Variants in KCNC4 observed in about 807,000 individuals in gnomAD.
The protein encoded by KCNC4 is potassium voltage-gated channel subfamily C member 4.
Under a neutral mutation model 42.8 loss-of-function variants are expected in KCNC4, and 23 were observed. That is an observed-to-expected ratio of 0.54 (90% CI 0.39 to 0.76). The LOEUF is 0.76. Among genes scored for constraint, KCNC4 ranks in the 30% least tolerant of loss-of-function variants. KCNC4 has a pLI of 0.00. For synonymous variants in KCNC4, 422 were observed against 393.5 expected (o/e 1.07, Z -0.86); for missense variants, 751 against 898.2 (o/e 0.84, Z 2.10).
At chr1:110,239,139 C>T (rs922736564) in exon 4 of KCNC4, 1 of 152,288 alleles carries the variant, frequency 6.6e-6, no homozygotes, top group Non-Finnish European at 1.5e-5. Flanking sequence ...GTTCCCACTT[C>T]GTGTACAATC....
At chr1:110,213,590 C>T (rs1312932868) in intron 1 of KCNC4, among the ~76,000 whole-genome samples, 4 of 152,188 alleles carry the variant, frequency 2.6e-5, no homozygotes, top group African/African-American at 7.2e-5. Flanking sequence ...CATGGCATAC[C>T]GGGCTGGGGC....
chr1:110,269,735 G>C (rs1157101596), intron 1 of KCNC4, among the ~76,000 whole-genome samples: 1 of 151,984 alleles, frequency 6.6e-6, no homozygotes, highest in East Asian at 1.9e-4. Context: ...TCAGGCAAGA[G>C]GATATATTTA....
At chr1:110,247,933 A>G (rs1387516823) in exon 4 of KCNC4, 1 of 152,208 alleles carries the variant, frequency 6.6e-6, no homozygotes, top group Non-Finnish European at 1.5e-5. Flanking sequence ...ACAAGAGCAT[A>G]TGTTGCACTA....
chr1:110,210,472 G>A lies in KCNC4; in HGVS notation c.-1028G>A, dbSNP rs1214678194. Among the ~76,000 whole-genome samples, 2 of 151,448 alleles carry A rather than the reference G, an allele frequency of 1.3e-5. No homozygotes were observed. The highest frequency in any genetic ancestry group is 1.3e-4 in the Admixed American group (2 of 15,216). ...GCGCCCCGCCCGGAGATGGGCAGAC[G>A]CGTAGATGGCGTGGCTCCCAGCGCC... On this transcript the variant is annotated 5_prime_UTR_variant, in exon 1 of 4. Coordinates refer to ENST00000438661, the MANE Select transcript of KCNC4 (RefSeq NM_001039574.3).
At chr1:110,240,809 C>T (rs1659017658) in exon 4 of KCNC4, 1 of 152,466 alleles carries the variant, frequency 6.6e-6, no homozygotes, top group Admixed American at 6.5e-5. Flanking sequence ...GGCCTCCCTC[C>T]TAGTTAGGCT....
intron 1 of KCNC4, among the ~76,000 whole-genome samples, chr1:110,216,445 T>C (rs1182329240): frequency 6.6e-6 from 1 of 152,226 alleles, no homozygotes; most frequent in African/African-American, 2.4e-5. Context: ...CAGGGCATCC[T>C]CCCAGTTTCC....
In KCNC4 at chr1:110,233,200, T is replaced by A; in HGVS notation, c.*228T>A. 1.6e-6 allele frequency: 1 copy of A among 606,090 alleles called. No individual in the cohort carries two copies. The highest frequency in any genetic ancestry group is 2.9e-6 in the Non-Finnish European group (1 of 342,630). 37.5% of individuals were successfully genotyped at this position (606,090 alleles called of 1,614,324 possible). ...TATATATGCACATATAGTATCTATATTCATACATATTATACTCTTGTGTGT... is the reference window on the plus strand; with the variant it reads ...TATATATGCACATATAGTATCTATAATCATACATATTATACTCTTGTGTGT... On this transcript the variant is annotated 3_prime_UTR_variant, in exon 4 of 4. Coordinates refer to ENST00000438661, the MANE Select transcript of KCNC4 (RefSeq NM_001039574.3).
chr1:110,254,100 G>GGGGGGGGT (rs1553216669), downstream of KCNC4, among the ~76,000 whole-genome samples: 1 of 133,958 alleles, frequency 7.5e-6, no homozygotes, highest in Non-Finnish European at 1.7e-5. Flanking sequence ...CGGGGGGGGG[G>GGGGGGGGT]CGGCGTTTCT....
At position 110,281,888 on chromosome 1, in the gene KCNC4, C is replaced by T. The variant is rs374849555; in HGVS notation, n.31-646C>T. On this transcript the variant is annotated intron_variant and non_coding_transcript_variant, in intron 1 of 2. Transcript: ENST00000412512. ...CTGGCTTCTGCTGCTGCTGCTGTCC[C>T]TAGACCTGAAGACTGGCCACAAAAC... 2.0e-4 allele frequency among the ~76,000 whole-genome samples: 30 copies of T among 152,322 alleles called. No homozygotes were observed. The East Asian group carries it at 5.2e-3, about 26-fold the overall frequency.
chr1:110,277,129 G>C (rs1277392873), intron 1 of KCNC4, among the ~76,000 whole-genome samples: 1 of 152,210 alleles, frequency 6.6e-6, no homozygotes, highest in Non-Finnish European at 1.5e-5. Context: ...CAGGGACTTA[G>C]GCTTACTTGA....
rs1658235724 is a variant in KCNC4, at chr1:110,223,693, G to A, written c.1408G>A (p.Val470Ile). 2 of 1,614,124 alleles carry A rather than the reference G, an allele frequency of 1.2e-6. No individual in the cohort carries two copies. Among genetic ancestry groups the A allele is most frequent in the Non-Finnish European group, 1.7e-6 (2 of 1,180,030 alleles). Residue 470 changes from valine (V) to isoleucine (I), a missense_variant, in exon 2 of 4, where the codon GTC (valine) becomes ATC (isoleucine). Transcript: ENST00000438661. The surrounding 1 kb of genome is among the most constrained non-coding windows in gnomAD (Gnocchi z 7.5). ...GCTCACCATCGCCATGCCGGTGCCT[G>A]TCATCGTCAACAACTTCGGCATGTA... ...GVLTIAMPVP[V>I]IVNNFGMYYS... is the part of the protein sequence containing the mutation.
chr1:110,264,044 C>A (rs1189511432), intron 1 of KCNC4, among the ~76,000 whole-genome samples: 1 of 152,122 alleles, frequency 6.6e-6, no homozygotes, highest in Non-Finnish European at 1.5e-5. Context: ...TTTAACTGAA[C>A]AGGTGTCTTC....
downstream of KCNC4, chr1:110,235,890 G>A (rs970979623): frequency 6.6e-6 from 1 of 152,236 alleles, no homozygotes; most frequent in African/African-American, 2.4e-5. Flanking sequence ...AAGTTACTCA[G>A]CCTCTGTGAA....
chr1:110,221,313 A>G (rs987953380), intron 1 of KCNC4: 1 of 152,214 alleles, frequency 6.6e-6, no homozygotes, highest in Non-Finnish European at 1.5e-5. Flanking sequence ...CAAGTATGTA[A>G]CGTCTCTGAT....
chr1:110,217,399 CATAA>C (rs930744735), intron 1 of KCNC4, among the ~76,000 whole-genome samples: 3 of 152,098 alleles, frequency 2.0e-5, no homozygotes, highest in African/African-American at 4.8e-5. Context: ...TAAATACATA[CATAA>C]ATAAATAAAA....
At chr1:110,268,589 G>A (rs1171471871) in intron 1 of KCNC4, among the ~76,000 whole-genome samples, 1 of 113,058 alleles carries the variant, frequency 8.8e-6, no homozygotes, top group Non-Finnish European at 1.7e-5. Context: ...CTGGGAGACA[G>A]AGCAAGAGAC....
At chr1:110,239,419 T>TC (rs1433010934) in exon 4 of KCNC4, 1 of 152,202 alleles carries the variant, frequency 6.6e-6, no homozygotes, top group Non-Finnish European at 1.5e-5. Context: ...TGAGGCGTTT[T>TC]CCCCTCACAC....
At chr1:110,212,929 T>A (rs1312678418) in intron 1 of KCNC4, among the ~76,000 whole-genome samples, 1 of 152,124 alleles carries the variant, frequency 6.6e-6, no homozygotes. Context: ...AGCCACAGGC[T>A]TCCTGGTGAT....
rs1657375458 is a variant in KCNC4 at position 110,210,548 on chromosome 1, C to T, written c.-952C>T. ...GGGCGTTGCGCTGAGGCTCCCTCTCCGCGCGGCCCGGGAAGCCTGCAGGTG... is the reference window on the plus strand; with the variant it reads ...GGGCGTTGCGCTGAGGCTCCCTCTCTGCGCGGCCCGGGAAGCCTGCAGGTG... On this transcript the variant is annotated 5_prime_UTR_variant, in exon 1 of 4. Coordinates refer to ENST00000438661, the MANE Select transcript of KCNC4 (RefSeq NM_001039574.3). Among the ~76,000 whole-genome samples, 1 of 151,578 alleles carries T rather than the reference C, an allele frequency of 6.6e-6. No homozygotes were observed. The highest frequency in any genetic ancestry group is 1.5e-5 in the Non-Finnish European group (1 of 67,826).
Sources: gnomAD v4.1 joint callset for allele counts (sites outside exome capture counted in the v4.1 genomes callset) on GRCh38, gnomAD v4.1.1 for gene constraint, Gnocchi (gnomAD v3.1) non-coding constraint, MANE v1.5 for transcripts, NCBI Gene and HGNC (gene_info 2026-07-23, HGNC 2026-07-21) for gene names.